The following GPR158 variants were observed in gnomAD, a reference collection of about 807,000 sequenced individuals.
The protein encoded by GPR158 is metabotropic glycine receptor.
A neutral mutation model predicts 78.2 loss-of-function variants in GPR158; 30 were observed. The observed-to-expected ratio is 0.38, with a 90% confidence interval of 0.29 to 0.52. The LOEUF is 0.52. Among genes scored for constraint, GPR158 ranks in the 20% least tolerant of loss-of-function variants. The pLI is 0.83. For missense variants in GPR158, 1,463 were observed against 1,523.5 expected (o/e 0.96, Z 0.66); for synonymous variants, 581 against 591.1 (o/e 0.98, Z 0.25).
chr10:25,364,215 C>T (rs1230583860), intron 2 of GPR158, among the ~76,000 whole-genome samples: 2 of 151,870 alleles, frequency 1.3e-5, no homozygotes, highest in East Asian at 3.9e-4. Flanking sequence ...GCATATCTTA[C>T]TCCAAAGTCC....
Position 25,392,061 on chromosome 10 carries a change from C to T in GPR158, c.1009-3850C>T, listed in dbSNP as rs189508683. Among the ~76,000 whole-genome samples the T allele has an allele frequency of 1.2e-4, 19 of 152,238 alleles. 1 individual carries two copies. Among genetic ancestry groups the T allele is most frequent in the Admixed American group, 9.8e-4 (15 of 15,296 alleles). ...GTGCCTTTGCTTCTCTTTTGCCTTCCGCCATGATTGTGAGGCCTCCCCAGC... is the reference window on the plus strand; with the variant it reads ...GTGCCTTTGCTTCTCTTTTGCCTTCTGCCATGATTGTGAGGCCTCCCCAGC... On this transcript the variant is annotated intron_variant, in intron 2 of 10. Transcript: ENST00000376351.
chr10:25,442,625 G>A (rs546083784), intron 4 of GPR158, among the ~76,000 whole-genome samples: 3 of 152,076 alleles, frequency 2.0e-5, no homozygotes, highest in South Asian at 2.1e-4. Flanking sequence ...AACCTAAACC[G>A]CTTTCACTCT....
intron 7 of GPR158, among the ~76,000 whole-genome samples, chr10:25,579,151 A>AT (rs967956470): frequency 0.026 from 3,781 of 146,220 alleles, 59 homozygotes; most frequent in African/African-American, 0.043. Context: ...CGACTGTCAG[A>AT]TTTTTTTTTT....
chr10:25,534,706 A>G (rs758033627), intron 5 of GPR158, among the ~76,000 whole-genome samples: 53 of 152,266 alleles, frequency 3.5e-4, no homozygotes, highest in African/African-American at 1.3e-3. Context: ...GCGAGCCAAC[A>G]TTGTGCCACT....
chr10:25,293,999 C>A (rs767039653), intron 2 of GPR158, among the ~76,000 whole-genome samples: 35 of 152,156 alleles, frequency 2.3e-4, no homozygotes, highest in Non-Finnish European at 4.1e-4. Context: ...CCTGCCTCAG[C>A]CTCCCAAAGT....
chr10:25,596,882 G>GAA, intron 10 of GPR158, 93 bp downstream of exon 10: 3 of 989,988 alleles, frequency 3.0e-6, no homozygotes, highest in Non-Finnish European at 4.6e-6. Context: ...GTGCATGCAT[G>GAA]TACACTCATG....
chr10:25,464,221 C>T (rs971815422), intron 4 of GPR158, among the ~76,000 whole-genome samples: 3 of 152,122 alleles, frequency 2.0e-5, no homozygotes, highest in African/African-American at 7.2e-5. Flanking sequence ...GCACGTACTC[C>T]TGCTACTGTT....
At chr10:25,478,493 C>CTT (rs1051229392) in intron 5 of GPR158, among the ~76,000 whole-genome samples, 1 of 145,092 alleles carries the variant, frequency 6.9e-6, no homozygotes, top group African/African-American at 2.5e-5. Flanking sequence ...ATATATAATG[C>CTT]GTGTGTGTGT....
intron 2 of GPR158, among the ~76,000 whole-genome samples, chr10:25,336,084 C>A (rs1441195895): frequency 6.6e-6 from 1 of 151,970 alleles, no homozygotes; most frequent in African/African-American, 2.4e-5. Context: ...CATTGTCATA[C>A]TATTATTGTA....
At chr10:25,494,463 G>A (rs1315677438) in intron 5 of GPR158, among the ~76,000 whole-genome samples, 1 of 152,092 alleles carries the variant, frequency 6.6e-6, no homozygotes, top group Non-Finnish European at 1.5e-5. Flanking sequence ...GTATAATCAT[G>A]TATTTTGTTT....
chr10:25,560,213 G>A (rs1478655315), intron 6 of GPR158, among the ~76,000 whole-genome samples: 2 of 152,096 alleles, frequency 1.3e-5, no homozygotes, highest in Admixed American at 1.3e-4. Flanking sequence ...GTGGGTTAAG[G>A]TTAAGGTAAA....
At position 25,599,050 on chromosome 10, in the gene GPR158, A is replaced by C; in HGVS notation, c.3424A>C (p.Lys1142Gln). 1 of 1,614,074 alleles carries C rather than the reference A, an allele frequency of 6.2e-7. No homozygotes were observed. ...TCTCAACCAAATAGGACACCAGGAAAAAAAGACATCTTCTTCTGAGGAGAA... is the reference window on the plus strand; with the variant it reads ...TCTCAACCAAATAGGACACCAGGAACAAAAGACATCTTCTTCTGAGGAGAA... ...ENLNQIGHQE[K>Q]KTSSSEENVR... Residue 1142 changes from lysine (K) to glutamine (Q), a missense_variant, in exon 11 of 11, where the codon AAA (lysine) becomes CAA (glutamine). Physicochemically the swap from Lys to Gln is moderately conservative, Grantham distance 53. Transcript: ENST00000376351.
chr10:25,417,694 G>A (rs142116427), intron 4 of GPR158, among the ~76,000 whole-genome samples: 5 of 152,262 alleles, frequency 3.3e-5, no homozygotes, highest in African/African-American at 1.2e-4. Context: ...TGAACCTGGG[G>A]ATAGAATGCC....
intron 4 of GPR158, among the ~76,000 whole-genome samples, chr10:25,426,482 C>CT (rs1467749657): frequency 2.6e-5 from 4 of 151,890 alleles, no homozygotes; most frequent in Non-Finnish European, 5.9e-5. Flanking sequence ...GTGACTTTTC[C>CT]TTTTTTTGAA....
chr10:25,234,811 G>A (rs1931293), intron 2 of GPR158, among the ~76,000 whole-genome samples: 21,450 of 152,112 alleles, frequency 0.14, 1,960 homozygotes, highest in East Asian at 0.33. Context: ...CATTTGGTAA[G>A]CTGGCCATCT....
At chr10:25,574,642 T>G (rs1837062451) in intron 7 of GPR158, among the ~76,000 whole-genome samples, 1 of 152,176 alleles carries the variant, frequency 6.6e-6, no homozygotes, top group Non-Finnish European at 1.5e-5. Flanking sequence ...ATCCCAGCAC[T>G]TTGGGAGGCC....
At chr10:25,563,719 GCTC>G (rs1836888209) in intron 6 of GPR158, among the ~76,000 whole-genome samples, 4 of 152,032 alleles carry the variant, frequency 2.6e-5, no homozygotes, top group African/African-American at 9.7e-5. Flanking sequence ...TAACTTTTAT[GCTC>G]CTCTTTTATG....
intron 2 of GPR158, among the ~76,000 whole-genome samples, chr10:25,371,175 G>A (rs1190924290): frequency 6.7e-6 from 1 of 148,898 alleles, no homozygotes; most frequent in Non-Finnish European, 1.5e-5. Context: ...TACATTTAAA[G>A]TTAATATTGT....
chr10:25,242,039 ATAAAC>A (rs1853635373), intron 2 of GPR158, among the ~76,000 whole-genome samples: 1 of 152,268 alleles, frequency 6.6e-6, no homozygotes, highest in Non-Finnish European at 1.5e-5. Context: ...AAATGTTTCT[ATAAAC>A]TAAACATGGC....
Sources: gnomAD v4.1 joint callset for allele counts (sites outside exome capture counted in the v4.1 genomes callset) on GRCh38, gnomAD v4.1.1 for gene constraint, MANE v1.5 for transcripts, NCBI Gene and HGNC (gene_info 2026-07-23, HGNC 2026-07-21) for gene names.